The following RET variants were observed in gnomAD, a reference collection of about 807,000 sequenced individuals.
The protein encoded by RET is proto-oncogene tyrosine-protein kinase receptor Ret.
A neutral mutation model predicts 118.3 loss-of-function variants in RET; 19 were observed. The observed-to-expected ratio is 0.16, with a 90% CI of 0.11 to 0.24. RET has a LOEUF of 0.24. RET is among the 10% of genes least tolerant of loss of function. The pLI, the probability that RET is intolerant of heterozygous loss-of-function variation, is 1.00. For missense variants in RET, 1,219 were observed against 1,502.1 expected (o/e 0.81, Z 3.12); for synonymous variants, 597 against 644.1 (o/e 0.93, Z 1.11).
At chr10:43,110,105 G>A (rs779054020) in intron 6 of RET, among the ~76,000 whole-genome samples, 21 of 152,168 alleles carry the variant, frequency 1.4e-4, no homozygotes, top group Non-Finnish European at 2.5e-4. Context: ...CACCTCCTTG[G>A]CCTTTAATGG....
chr10:43,080,732 C>T (rs900631348), intron 1 of RET, among the ~76,000 whole-genome samples: 13 of 152,254 alleles, frequency 8.5e-5, no homozygotes, highest in African/African-American at 3.1e-4. Context: ...CTCTGGGTCT[C>T]GTCAGCTTTA....
intron 1 of RET, among the ~76,000 whole-genome samples, chr10:43,083,092 C>T (rs1226391039): frequency 6.6e-6 from 1 of 152,170 alleles, no homozygotes; most frequent in South Asian, 2.1e-4. Flanking sequence ...GGGCCTGGCC[C>T]TCCTCACCCA....
At chr10:43,111,110 G>A (rs985207811) in intron 6 of RET, 97 bp from the exon 7 acceptor site, 29 of 1,566,914 alleles carry the variant, frequency 1.9e-5, no homozygotes, top group East Asian at 1.8e-4. Context: ...CCAGTTGGGG[G>A]CTGTTCCAGG....
chr10:43,114,501 G>T lies in RET; in HGVS notation c.1901G>T (p.Cys634Phe), dbSNP rs75996173. Residue 634 changes from cysteine (C) to phenylalanine (F), a missense_variant, in exon 11 of 20, where the codon TGC (cysteine) becomes TTC (phenylalanine). By Grantham distance (205) the Cys-to-Phe change is radical. This residue lies in a region of RET where 850 missense variants were observed against 969.6 expected (regional missense o/e 0.88). Coordinates refer to ENST00000355710, the MANE Select transcript of RET (RefSeq NM_020975.6). This position sits in a 1 kb window ranked among gnomAD's most constrained non-coding sequence, Gnocchi z 4.6. Reference sequence around the variant, plus strand: ...ACAGATCCACTGTGCGACGAGCTGTGCCGCACGGTGATCGCAGCCGCTGTC... The same window carrying T: ...ACAGATCCACTGTGCGACGAGCTGTTCCGCACGGTGATCGCAGCCGCTGTC... Reference protein sequence around the residue: ...DIQDPLCDELCRTVIAAAVLF... With the variant: ...DIQDPLCDELFRTVIAAAVLF... The T allele has an allele frequency of 6.2e-7, 1 of 1,607,760 alleles. No homozygotes were observed. Among genetic ancestry groups the T allele is most frequent in the African/African-American group, 1.3e-5 (1 of 74,970 alleles).
rs1001163913 is a variant in RET at position 43,108,939 on chromosome 10, G to A, written c.1064-92G>A. The stretch of plus-strand genomic sequence containing the variant: ...TGTGAAAGTGCGTGTTTGCACCAGT[G>A]TGAGTGCAGGGCTGTGTCTGGGAAG... On this transcript the variant is annotated intron_variant, in intron 5 of 19. Coordinates refer to ENST00000355710, the MANE Select transcript of RET (RefSeq NM_020975.6). 3.7e-5 allele frequency: 46 copies of A among 1,236,410 alleles called. No homozygotes were observed. In the African/African-American group the frequency reaches 5.2e-4, roughly 14 times the overall value. The allele number at this position is 1,236,410 out of a possible 1,614,324, so 76.6% of individuals were successfully genotyped here.
At chr10:43,101,457 G>A (rs991171948) in intron 2 of RET, among the ~76,000 whole-genome samples, 3 of 152,262 alleles carry the variant, frequency 2.0e-5, no homozygotes, top group African/African-American at 7.2e-5. Flanking sequence ...CCAGGGTGCA[G>A]GGGAGGGAGG....
intron 15 of RET, among the ~76,000 whole-genome samples, chr10:43,120,653 T>C (rs1838194959): frequency 6.6e-6 from 1 of 152,214 alleles, no homozygotes; most frequent in Non-Finnish European, 1.5e-5. Flanking sequence ...CCTTGGACAC[T>C]GGGCTGGGTG....
At chr10:43,111,906 G>T (rs1197548827) in intron 7 of RET, among the ~76,000 whole-genome samples, 193 bp from the exon 8 acceptor site, 1 of 152,220 alleles carries the variant, frequency 6.6e-6, no homozygotes, top group African/African-American at 2.4e-5. Context: ...CCTGCTTTGT[G>T]ACCATGATGT....
At chr10:43,092,411 T>C (rs2506023) in intron 1 of RET, among the ~76,000 whole-genome samples, 58,554 of 152,160 alleles carry the variant, frequency 0.38, 11,584 homozygotes, top group South Asian at 0.51. Flanking sequence ...GCAGTGTGAA[T>C]GCACTTAATG....
At chr10:43,096,625 C>T (rs1170967668) in intron 1 of RET, among the ~76,000 whole-genome samples, 2 of 152,188 alleles carry the variant, frequency 1.3e-5, no homozygotes, top group African/African-American at 4.8e-5. Context: ...GCTGGGGAAA[C>T]TGAGGCCCAG....
chr10:43,105,604 G>A (rs1005000652), intron 4 of RET, among the ~76,000 whole-genome samples: 1 of 152,168 alleles, frequency 6.6e-6, no homozygotes, highest in African/African-American at 2.4e-5. Context: ...ATCACCTCCG[G>A]CGCCGCCCGC....
intron 3 of RET, chr10:43,104,740 C>T: frequency 4.1e-6 from 3 of 723,414 alleles, no homozygotes; most frequent in Non-Finnish European, 4.5e-6. Flanking sequence ...GCACAGTCAT[C>T]GCTGCAAACT....
intron 19 of RET, among the ~76,000 whole-genome samples, 166 bp from the exon 20 acceptor site, chr10:43,127,946 C>T (rs2133046612): frequency 6.6e-6 from 1 of 152,288 alleles, no homozygotes; most frequent in African/African-American, 2.4e-5. Context: ...TTTCCCCTAA[C>T]TATAACAGTG....
chr10:43,104,518 A>C (rs1355485456), intron 3 of RET, among the ~76,000 whole-genome samples: 1 of 152,134 alleles, frequency 6.6e-6, no homozygotes, highest in Non-Finnish European at 1.5e-5. Flanking sequence ...CTCCATCAAA[A>C]ACAAAAAAAA....
rs748288493 is a variant in RET, at chr10:43,124,939, C to G, written c.2996C>G (p.Ala999Gly). ...KQEPDKRPVF[A>G]DISKDLEKMM... ...GAGCCGGACAAAAGGCCGGTGTTTGCGGACATCAGCAAAGACCTGGAGAAG... is the reference window on the plus strand; with the variant it reads ...GAGCCGGACAAAAGGCCGGTGTTTGGGGACATCAGCAAAGACCTGGAGAAG... The change falls in exon 18 of 20, where the codon GCG becomes GGG. Residue 999 changes from alanine (A) to glycine (G), a missense_variant. Transcript: ENST00000355710. 6.2e-7 allele frequency: 1 copy of G among 1,614,178 alleles called. No homozygotes were observed. The highest frequency in any genetic ancestry group is 1.1e-5 in the South Asian group (1 of 91,086).
chr10:43,106,217 T>C lies in RET; in HGVS notation c.868-159T>C, dbSNP rs1837771136. On this transcript the variant is annotated intron_variant, in intron 4 of 19. Coordinates refer to ENST00000355710, the MANE Select transcript of RET (RefSeq NM_020975.6). This position sits in a 1 kb window ranked among gnomAD's most constrained non-coding sequence, Gnocchi z 5.1. ...GGCTGGCCAGTGACCCCGTGGGAAC[T>C]TGAACCCAGGTCAGACTGTCCCCAG... Among the ~76,000 whole-genome samples, 1 of 152,212 alleles carries C rather than the reference T, an allele frequency of 6.6e-6. No individual in the cohort carries two copies.
In RET at chr10:43,109,119, A is replaced by C; in HGVS notation, c.1152A>C (p.Pro384=). The change falls in exon 6 of 20, where the codon CCA becomes CCC. Residue 384 remains proline (P), a synonymous_variant. Coordinates refer to ENST00000355710, the MANE Select transcript of RET (RefSeq NM_020975.6). ...VLVNDSDFQG[P]GAGVLLLHFN... Reference sequence around the variant, plus strand: ...TCAATGACTCAGACTTCCAGGGCCCAGGAGCGGGCGTCCTCTTGCTCCACT... The same window carrying C: ...TCAATGACTCAGACTTCCAGGGCCCCGGAGCGGGCGTCCTCTTGCTCCACT... 1 of 1,613,926 alleles carries C rather than the reference A, an allele frequency of 6.2e-7. No individual in the cohort carries two copies. The highest frequency in any genetic ancestry group is 8.5e-7 in the Non-Finnish European group (1 of 1,180,040).
At chr10:43,100,229 G>A (rs574416193) in intron 1 of RET, among the ~76,000 whole-genome samples, 4 of 152,252 alleles carry the variant, frequency 2.6e-5, no homozygotes, top group African/African-American at 9.6e-5. Flanking sequence ...TTGAGAATAG[G>A]CTTGTCACTG....
rs1361161086 is a variant in RET, at chr10:43,126,715, A to C, written c.3180A>C (p.Lys1060Asn). Reference protein sequence around the residue: ...RALPSTWIENKLYGMSDPNWP... With the variant: ...RALPSTWIENNLYGMSDPNWP... ...TCCCTTCCACATGGATTGAAAACAA[A>C]CTCTATGGTAGAATTTCCCATGCAT... Residue 1060 changes from lysine (K) to asparagine (N), a missense_variant, in exon 19 of 20, where the codon AAA becomes AAC. By Grantham distance (94) the Lys-to-Asn change is moderately conservative (BLOSUM62 0). Transcript: ENST00000355710. 6.2e-7 allele frequency: 1 copy of C among 1,613,696 alleles called. No homozygotes were observed. The highest frequency in any genetic ancestry group is 1.7e-5 in the Admixed American group (1 of 59,994).
Sources: allele counts gnomAD v4.1 joint callset (sites outside exome capture counted in the v4.1 genomes callset), GRCh38; gene constraint gnomAD v4.1.1; regional missense constraint gnomAD v4.1.1; non-coding constraint Gnocchi (gnomAD v3.1); transcripts MANE v1.5; gene names NCBI Gene and HGNC (gene_info 2026-07-23, HGNC 2026-07-21).